The following SLC2A14 variants were observed in gnomAD, a reference collection of about 807,000 sequenced individuals.
The protein encoded by SLC2A14 is solute carrier family 2 member 14.
SLC2A14 carries 13 observed loss-of-function variants against 43.0 expected under a neutral mutation model. The ratio of observed to expected loss-of-function variants is 0.30; its 90% CI spans 0.20 to 0.48. SLC2A14 has a LOEUF of 0.48. SLC2A14 is among the 20% of genes least tolerant of loss of function. SLC2A14 has a pLI of 0.99. For missense variants in SLC2A14, 428 were observed against 620.4 expected, an observed-to-expected ratio of 0.69 and a Z score of 3.29; for synonymous variants, 190 against 233.8, an observed-to-expected ratio of 0.81 and a Z score of 1.71.
At chr12:7,890,031 G>C (rs1342594749) in intron 1 of SLC2A14, among the ~76,000 whole-genome samples, 1 of 152,076 alleles carries the variant, frequency 6.6e-6, no homozygotes, top group Admixed American at 6.6e-5. Context: ...GTAGGTTTTG[G>C]CTGGCTCCTT....
intron 2 of SLC2A14, among the ~76,000 whole-genome samples, chr12:7,841,238 A>G (rs1460781246): frequency 6.6e-6 from 1 of 152,064 alleles, no homozygotes; most frequent in Admixed American, 6.6e-5. Context: ...CATTAGTGTG[A>G]TACATCTCTT....
chr12:7,870,571 G>C, intron 1 of SLC2A14, among the ~76,000 whole-genome samples: 1 of 152,042 alleles, frequency 6.6e-6, no homozygotes. Context: ...AGGAGGAGGA[G>C]AATTAGGACA....
chr12:7,834,540 T>TG (rs1026720247), intron 2 of SLC2A14, among the ~76,000 whole-genome samples: 5 of 130,822 alleles, frequency 3.8e-5, no homozygotes, highest in African/African-American at 1.3e-4. Flanking sequence ...CTTTTTTTTT[T>TG]TTTTTTGAGA....
intron 2 of SLC2A14, among the ~76,000 whole-genome samples, chr12:7,862,613 G>A (rs1001261460): frequency 2.0e-4 from 30 of 152,152 alleles, no homozygotes; most frequent in Admixed American, 5.9e-4. Flanking sequence ...CTGCAGCACC[G>A]GTGCGTGATC....
At chr12:7,871,151 C>T in intron 1 of SLC2A14, 3 of 1,285,650 alleles carry the variant, frequency 2.3e-6, no homozygotes, top group South Asian at 1.5e-5. Flanking sequence ...GGAACAGACC[C>T]CCAGGATGTG....
intron 2 of SLC2A14, among the ~76,000 whole-genome samples, chr12:7,867,406 G>T (rs1286559081): frequency 2.0e-5 from 3 of 151,796 alleles, no homozygotes; most frequent in African/African-American, 7.3e-5. Context: ...ATGGGTTCAA[G>T]ACTTAAGTGG....
At chr12:7,832,637 G>T in intron 3 of SLC2A14, 85 bp downstream of exon 3, 1 of 1,483,046 alleles carries the variant, frequency 6.7e-7, no homozygotes, top group Non-Finnish European at 9.3e-7. Context: ...CACCATGCCT[G>T]GCCTTAAATT....
chr12:7,842,816 C>A (rs948562529), intron 2 of SLC2A14, among the ~76,000 whole-genome samples: 2 of 151,720 alleles, frequency 1.3e-5, no homozygotes, highest in Non-Finnish European at 2.9e-5. Context: ...GCAACCTCCG[C>A]CTCCCGCGTT....
intron 2 of SLC2A14, among the ~76,000 whole-genome samples, chr12:7,850,030 C>T (rs866032653): frequency 7.0e-5 from 7 of 99,890 alleles, no homozygotes; most frequent in Admixed American, 1.3e-4. Context: ...CAAGAAAGTG[C>T]TAAAAAAAAA....
chr12:7,823,527 C>T (rs999746226), intron 7 of SLC2A14, among the ~76,000 whole-genome samples: 20 of 152,172 alleles, frequency 1.3e-4, no homozygotes, highest in African/African-American at 4.8e-4. Flanking sequence ...TTCAAGACCA[C>T]CCTGACAACA....
At chr12:7,815,529 CT>C (rs1863361119) in intron 10 of SLC2A14, among the ~76,000 whole-genome samples, 1 of 152,134 alleles carries the variant, frequency 6.6e-6, no homozygotes, top group African/African-American at 2.4e-5. Flanking sequence ...GATGTCTAAT[CT>C]TTCATAGCGT....
In SLC2A14 at chr12:7,818,046, A is replaced by T. The variant is rs773013632; in HGVS notation, c.1072-12T>A. On this transcript the variant is annotated splice_polypyrimidine_tract_variant and intron_variant, in intron 9 of 10. Coordinates refer to ENST00000431042, the MANE Select transcript of SLC2A14 (RefSeq NM_001286234.2). ...CCATTATAGTGATTCTGTAAGAGGA[A>T]GGAACACAGAAGATTAAATTTAAAG... 2 of 1,608,182 alleles carry T rather than the reference A, an allele frequency of 1.2e-6. No homozygotes were observed. Among genetic ancestry groups the T allele is most frequent in the Non-Finnish European group, 1.7e-6 (2 of 1,176,764 alleles).
intron 2 of SLC2A14, among the ~76,000 whole-genome samples, chr12:7,850,031 TA>T (rs35416196): frequency 1.8e-3 from 245 of 134,948 alleles, no homozygotes; most frequent in Middle Eastern, 3.9e-3. Context: ...AAGAAAGTGC[TA>T]AAAAAAAAAA....
chr12:7,849,586 A>G lies in SLC2A14; in HGVS notation c.19-16772T>C, dbSNP rs114780572. Among the ~76,000 whole-genome samples the G allele has an allele frequency of 5.5e-3, 835 of 151,972 alleles. 14 individuals are homozygous for G. The highest frequency in any genetic ancestry group is 0.019 in the African/African-American group (800 of 41,458). ...TTTTTTAAAGGTGATGAAAAAAATT[A>G]AAATGTATGTGGATATATATTGAAA... is the stretch of plus-strand genomic sequence containing the variant. On this transcript the variant is annotated intron_variant, in intron 2 of 10. Transcript: ENST00000431042.
At chr12:7,861,305 C>T (rs1276113411) in intron 2 of SLC2A14, among the ~76,000 whole-genome samples, 3 of 151,782 alleles carry the variant, frequency 2.0e-5, no homozygotes, top group African/African-American at 4.8e-5. Flanking sequence ...CTATGTATTT[C>T]CCCTACACAT....
chr12:7,888,537 C>T (rs909609587), intron 1 of SLC2A14, among the ~76,000 whole-genome samples: 1 of 151,996 alleles, frequency 6.6e-6, no homozygotes, highest in Admixed American at 6.6e-5. Context: ...CAGTGGCTCA[C>T]ACCTGTAATC....
At position 7,861,185 on chromosome 12, in the gene SLC2A14, G is replaced by A. The variant is rs183197751; in HGVS notation, c.18+8678C>T. Among the ~76,000 whole-genome samples, 14 of 152,216 alleles carry A rather than the reference G, an allele frequency of 9.2e-5. No individual in the cohort carries two copies. The East Asian group carries it at 1.7e-3, about 19-fold the overall frequency. ...GAGAGGGGAGATGTGAAGATCTGTA[G>A]TGCAAGGTGAGGAAAAGGCACCAGA... is the stretch of plus-strand genomic sequence containing the variant. On this transcript the variant is annotated intron_variant, in intron 2 of 10. Coordinates refer to ENST00000431042, the MANE Select transcript of SLC2A14 (RefSeq NM_001286234.2).
chr12:7,869,619 C>T (rs1004576342), intron 2 of SLC2A14, among the ~76,000 whole-genome samples: 1 of 152,070 alleles, frequency 6.6e-6, no homozygotes, highest in African/African-American at 2.4e-5. Context: ...AATATTTTAT[C>T]ATTCGTCTTG....
chr12:7,886,055 G>A (rs773904528), intron 1 of SLC2A14, among the ~76,000 whole-genome samples: 1 of 149,374 alleles, frequency 6.7e-6, no homozygotes, highest in Admixed American at 6.7e-5. Flanking sequence ...TGCGATCTCA[G>A]CTCACTGCAA....
Sources: gnomAD v4.1 joint callset for allele counts (sites outside exome capture counted in the v4.1 genomes callset) on GRCh38, gnomAD v4.1.1 for gene constraint, MANE v1.5 for transcripts, NCBI Gene and HGNC (gene_info 2026-07-23, HGNC 2026-07-21) for gene names.